BMP1: variants seen among roughly 807,000 people sequenced by gnomAD.
BMP1 encodes the protein bone morphogenetic protein 1.
BMP1 carries 63 observed loss-of-function variants against 116.8 expected under a neutral mutation model. That is an observed-to-expected ratio of 0.54 (90% CI 0.44 to 0.67). BMP1 has a LOEUF of 0.67. Ranked by LOEUF, BMP1 falls within the 30% of genes least tolerant of loss-of-function variation. The pLI is 0.00. For missense variants in BMP1, 1,183 were observed against 1,358.9 expected, an observed-to-expected ratio of 0.87 and a Z score of 2.04; for synonymous variants, 536 against 533.4, an observed-to-expected ratio of 1.00 and a Z score of -0.07.
intron 18 of BMP1, among the ~76,000 whole-genome samples, chr8:22,209,106 C>T (rs372366753): frequency 2.5e-4 from 38 of 152,338 alleles, no homozygotes; most frequent in African/African-American, 6.7e-4. Flanking sequence ...GAAGCTGTGG[C>T]GACACTGGGC....
In BMP1 at chr8:22,165,525, C is replaced by T. The variant is rs772658585; in HGVS notation, c.120C>T (p.Pro40=). 22 of 1,591,504 alleles carry T rather than the reference C, an allele frequency of 1.4e-5. No individual in the cohort carries two copies. Among genetic ancestry groups the T allele is most frequent in the Non-Finnish European group, 1.8e-5 (21 of 1,171,246 alleles). ...TGGCGGAGGAGGACGACTCGGAGCC[C>T]CTCAACTACAAAGACCCCTGCAAGG... ...YDLAEEDDSE[P]LNYKDPCKAA... Residue 40 remains proline, a synonymous_variant, in exon 1 of 20, where the codon CCC becomes CCT. Coordinates refer to ENST00000306385, the MANE Select transcript of BMP1 (RefSeq NM_006129.5).
intron 1 of BMP1, among the ~76,000 whole-genome samples, chr8:22,166,629 G>T (rs1586429847): frequency 6.6e-6 from 1 of 152,192 alleles, no homozygotes; most frequent in African/African-American, 2.4e-5. Context: ...TGCTAGAACT[G>T]GACTGCCTGT....
At chr8:22,197,142 A>C (rs955042727) in intron 14 of BMP1, 98 bp from the exon 15 acceptor site, 5 of 1,472,400 alleles carry the variant, frequency 3.4e-6, no homozygotes, top group African/African-American at 2.8e-5. Flanking sequence ...AGCTAAGTCA[A>C]GGCTAAAGGA....
chr8:22,182,426 G>T (rs1037387259), intron 8 of BMP1, among the ~76,000 whole-genome samples: 2 of 152,166 alleles, frequency 1.3e-5, no homozygotes, highest in Non-Finnish European at 2.9e-5. Flanking sequence ...GCCACTTAAG[G>T]TCATTACTAT....
At chr8:22,176,440 G>T (rs1013513096) in intron 3 of BMP1, 93 bp from the exon 4 acceptor site, 39 of 1,557,284 alleles carry the variant, frequency 2.5e-5, no homozygotes, top group Non-Finnish European at 3.3e-5. Context: ...TTTCCAGGCA[G>T]TCTGCCCTCA....
chr8:22,194,922 G>A lies in BMP1; in HGVS notation c.1639+3G>A. On this transcript the variant is annotated splice_donor_region_variant and intron_variant, in intron 12 of 19. Coordinates refer to ENST00000306385, the MANE Select transcript of BMP1 (RefSeq NM_006129.5). The surrounding 1 kb of genome is among the most constrained non-coding windows in gnomAD (Gnocchi z 4.5). ...CTTTGCCGTCAACTTTTTCAAAGGT[G>A]CCTCCTCTGTTACTCTCCCCTGCCC... The A allele has an allele frequency of 1.9e-6, 3 of 1,604,072 alleles. No individual in the cohort carries two copies. The highest frequency in any genetic ancestry group is 2.6e-6 in the Non-Finnish European group (3 of 1,175,766).
intron 18 of BMP1, among the ~76,000 whole-genome samples, chr8:22,208,469 C>G (rs1405772248): frequency 2.0e-5 from 3 of 152,164 alleles, no homozygotes; most frequent in Non-Finnish European, 4.4e-5. Flanking sequence ...TGAGCCCAAG[C>G]GGGAGCCAGG....
rs1385224120 is a variant in BMP1, at chr8:22,195,398, G to T, written c.1640-64G>T. The T allele has an allele frequency of 5.8e-6, 9 of 1,547,710 alleles. No homozygotes were observed. The East Asian group carries it at 2.1e-4, about 36-fold the overall frequency. On this transcript the variant is annotated intron_variant, in intron 12 of 19. Coordinates refer to ENST00000306385, the MANE Select transcript of BMP1 (RefSeq NM_006129.5). ...TCTTGGGGCTGAGTGGACAAGTGAGGCTCACAGCCAGCTTCTTCCCTTGAA... is the reference window on the plus strand; with the variant it reads ...TCTTGGGGCTGAGTGGACAAGTGAGTCTCACAGCCAGCTTCTTCCCTTGAA...
chr8:22,185,128 G>A (rs1292093648), intron 8 of BMP1, among the ~76,000 whole-genome samples: 1 of 152,148 alleles, frequency 6.6e-6, no homozygotes, highest in African/African-American at 2.4e-5. Flanking sequence ...CAGCAACGGA[G>A]GAGAACCTTT....
chr8:22,176,022 A>G, intron 2 of BMP1, 121 bp from the exon 3 acceptor site: 3 of 1,051,562 alleles, frequency 2.9e-6, no homozygotes, highest in Non-Finnish European at 4.1e-6. Flanking sequence ...GGGACTACGA[A>G]TAAATTTTAG....
chr8:22,206,784 G>T (rs1829365126), intron 16 of BMP1, 70 bp from the exon 17 acceptor site: 15 of 1,593,830 alleles, frequency 9.4e-6, no homozygotes, highest in Non-Finnish European at 1.3e-5. Context: ...GGAGGGAAGG[G>T]CCTTCCCCAC....
intron 15 of BMP1, chr8:22,199,178 T>C (rs372636877): frequency 2.9e-6 from 4 of 1,367,398 alleles, no homozygotes; most frequent in Non-Finnish European, 3.9e-6. Context: ...CATTGCCCCA[T>C]CGCACAAGAA....
At chr8:22,201,286 C>A in intron 15 of BMP1, 1 of 1,526,114 alleles carries the variant, frequency 6.6e-7, no homozygotes, top group South Asian at 1.3e-5. Flanking sequence ...TGCCCACCAA[C>A]CCCCCACCTC....
chr8:22,179,694 C>G lies in BMP1; in HGVS notation c.837-11C>G. The G allele has an allele frequency of 6.2e-7, 1 of 1,613,702 alleles. No individual in the cohort carries two copies. The highest frequency in any genetic ancestry group is 8.5e-7 in the Non-Finnish European group (1 of 1,179,736). On this transcript the variant is annotated splice_polypyrimidine_tract_variant and intron_variant, in intron 6 of 19. Coordinates refer to ENST00000306385, the MANE Select transcript of BMP1 (RefSeq NM_006129.5). The surrounding 1 kb of genome is among the most constrained non-coding windows in gnomAD (Gnocchi z 4.6). ...GAGACGCTCACCCTTACTTTTCTCC[C>G]TCTTCTTCAGGGGCATCTTCCTGGA... is the stretch of plus-strand genomic sequence containing the variant.
Position 22,177,921 on chromosome 8 carries a change from A to T in BMP1, c.800A>T (p.Asp267Val). Residue 267 changes from aspartate (D) to valine (V), a missense_variant, in exon 6 of 20, where the codon GAC (aspartate) becomes GTC (valine). Transcript: ENST00000306385. The stretch of plus-strand genomic sequence containing the variant: ...TCCCTGGGGGAGACCTATGACTTCG[A>T]CAGCATCATGCATTACGCTCGGAAC... Reference protein sequence around the residue: ...VESLGETYDFDSIMHYARNTF... With the variant: ...VESLGETYDFVSIMHYARNTF... The T allele has an allele frequency of 6.2e-7, 1 of 1,613,556 alleles. No individual in the cohort carries two copies. Among genetic ancestry groups the T allele is most frequent in the South Asian group, 1.1e-5 (1 of 91,050 alleles).
Position 22,199,238 on chromosome 8 carries a change from C to T in BMP1, c.2107+1818C>T, listed in dbSNP as rs148770691. The T allele has an allele frequency of 4.0e-4, 544 of 1,367,562 alleles. No individual in the cohort carries two copies. The African/African-American group carries it at 5.2e-3, about 13-fold the overall frequency. The allele number at this position is 1,367,562 out of a possible 1,614,324, so 84.7% of individuals were successfully genotyped here. ...GCATCGAGGCTCAGCCCTCAGGGCC[C>T]GGGGCATCTGACTCTGGCCCCCCAG... is the stretch of plus-strand genomic sequence containing the variant. On this transcript the variant is annotated intron_variant, in intron 15 of 19. Transcript: ENST00000306385.
At position 22,188,650 on chromosome 8, in the gene BMP1, G is replaced by A. The variant is rs181451858; in HGVS notation, c.1078-3399G>A. Reference sequence around the variant, plus strand: ...GTACAACTCTTAATTTGACACCTCTGGTCTCAGTATAGCCATCACTGGGCC... The same window carrying A: ...GTACAACTCTTAATTTGACACCTCTAGTCTCAGTATAGCCATCACTGGGCC... On this transcript the variant is annotated intron_variant, in intron 8 of 19. Transcript: ENST00000306385. Among the ~76,000 whole-genome samples the A allele has an allele frequency of 5.3e-5, 8 of 152,306 alleles. No homozygotes were observed. In the East Asian group the frequency reaches 1.5e-3, roughly 29 times the overall value.
intron 16 of BMP1, 53 bp from the exon 17 acceptor site, chr8:22,206,801 C>T: frequency 6.2e-7 from 1 of 1,610,506 alleles, no homozygotes; most frequent in Non-Finnish European, 8.5e-7. Flanking sequence ...CCACAGGAGG[C>T]ATCGGAGCTT....
intron 16 of BMP1, among the ~76,000 whole-genome samples, chr8:22,206,370 C>T (rs368071320): frequency 3.3e-5 from 5 of 151,952 alleles, no homozygotes; most frequent in Non-Finnish European, 5.9e-5. Flanking sequence ...GAGATGGTGG[C>T]GCACGTCTGT....
Sources: allele counts gnomAD v4.1 joint callset (sites outside exome capture counted in the v4.1 genomes callset), GRCh38; gene constraint gnomAD v4.1.1; non-coding constraint Gnocchi (gnomAD v3.1); transcripts MANE v1.5; gene names NCBI Gene and HGNC (gene_info 2026-07-23, HGNC 2026-07-21).